Variants in ATP2C2 observed in about 807,000 individuals in gnomAD.
The protein encoded by ATP2C2 is ATPase secretory pathway Ca2+ transporting 2, also known as calcium-transporting ATPase type 2C member 2.
A neutral mutation model predicts 110.8 loss-of-function variants in ATP2C2; 171 were observed. The observed-to-expected ratio is 1.54, with a 90% CI of 1.36 to 1.75. The LOEUF is 1.75. ATP2C2 is among the 40% of genes most tolerant of loss of function. The pLI is 0.00. For synonymous variants in ATP2C2, 804 were observed against 508.4 expected (o/e 1.58, Z -7.82); for missense variants, 1,963 against 1,235.0 (o/e 1.59, Z -8.84).
chr16:84,441,971 A>T (rs114121168), intron 14 of ATP2C2, among the ~76,000 whole-genome samples: 10,854 of 148,296 alleles, frequency 0.073, 740 homozygotes, highest in South Asian at 0.18. Flanking sequence ...GTAATAATAA[A>T]AAAGAAAAGA....
Position 84,398,568 on chromosome 16 carries a change from G to A in ATP2C2, c.169G>A (p.Ala57Thr). The A allele has an allele frequency of 6.2e-7, 1 of 1,613,408 alleles. No individual in the cohort carries two copies. The highest frequency in any genetic ancestry group is 8.5e-7 in the Non-Finnish European group (1 of 1,179,742). The change falls in exon 2 of 27, where the codon GCG becomes ACG. Residue 57 changes from alanine (A) to threonine (T), a missense_variant. Physicochemically the swap from Ala to Thr is moderately conservative, Grantham distance 58. Transcript: ENST00000262429. ...GGTGACAGCCCTGCCCCCCAAGGAA[G>A]CGTGCAAATGCCAGAAAGAGGATTT... ...KKVTALPPKEACKCQKEDLAR... is the reference protein window; with the variant it reads ...KKVTALPPKETCKCQKEDLAR...
intron 2 of ATP2C2, among the ~76,000 whole-genome samples, chr16:84,400,329 G>GTTTTTTTT (rs112134569): frequency 7.3e-6 from 1 of 136,410 alleles, no homozygotes; most frequent in African/African-American, 2.7e-5. Flanking sequence ...TTAGTTTTTT[G>GTTTTTTTT]TTGTTTTTTT....
chr16:84,382,895 A>AG (rs1491094734), intron 1 of ATP2C2, among the ~76,000 whole-genome samples: 1 of 61,166 alleles, frequency 1.6e-5, no homozygotes, highest in Non-Finnish European at 3.4e-5. Flanking sequence ...GACTCCATCT[A>AG]AAAAAAAAAA....
intron 7 of ATP2C2, among the ~76,000 whole-genome samples, chr16:84,420,294 C>A (rs1357432847): frequency 6.6e-6 from 1 of 152,082 alleles, no homozygotes; most frequent in African/African-American, 2.4e-5. Flanking sequence ...TTCCCAGTGC[C>A]CAGAGGAGTC....
chr16:84,412,949 A>G (rs1221161228), intron 6 of ATP2C2, among the ~76,000 whole-genome samples: 2 of 148,274 alleles, frequency 1.3e-5, no homozygotes, highest in African/African-American at 4.9e-5. Context: ...TTAAAAAAAA[A>G]TTAGCTGGGC....
rs117469689 is a variant in ATP2C2 at position 84,453,372 on chromosome 16, G to T, written c.1980+1G>T. On this transcript the variant is annotated splice_donor_variant, in intron 20 of 26. Transcript: ENST00000262429. LOFTEE classifies it high-confidence loss of function. ...AAAGCACAAGCTCAAAATCATCAAG[G>T]TTCGCTGGGCAAGGCAGGCACAGGC... The T allele has an allele frequency of 4.3e-6, 7 of 1,614,180 alleles. No homozygotes were observed. The highest frequency in any genetic ancestry group is 5.1e-6 in the Non-Finnish European group (6 of 1,180,012).
intron 7 of ATP2C2, among the ~76,000 whole-genome samples, chr16:84,416,922 G>A (rs1259093473): frequency 1.0e-5 from 1 of 95,598 alleles, no homozygotes; most frequent in East Asian, 2.2e-4. Flanking sequence ...CGAGAAGGGG[G>A]GTCCTAACAG....
At chr16:84,380,125 C>A (rs1910489411) in intron 1 of ATP2C2, among the ~76,000 whole-genome samples, 1 of 152,156 alleles carries the variant, frequency 6.6e-6, no homozygotes, top group Non-Finnish European at 1.5e-5. Context: ...AAGCTGGCCT[C>A]CCTCCCCTGT....
chr16:84,409,669 ATTTTTATATTTTTAGTAGAGATGAGGTT>A (rs1906098128), intron 4 of ATP2C2, among the ~76,000 whole-genome samples: 1 of 151,914 alleles, frequency 6.6e-6, no homozygotes, highest in East Asian at 1.9e-4. Flanking sequence ...ATTTTTGCTA[ATTTTTATATTTTTAGTAGAGATGAGGTT>A]TCCCTGTGTT....
chr16:84,441,707 G>A (rs910886877), intron 14 of ATP2C2, among the ~76,000 whole-genome samples: 4 of 152,238 alleles, frequency 2.6e-5, no homozygotes, highest in Non-Finnish European at 5.9e-5. Context: ...GATCACCTGA[G>A]TTCAGGAGTT....
At chr16:84,373,627 A>C (rs1250146442) in intron 1 of ATP2C2, among the ~76,000 whole-genome samples, 1 of 152,222 alleles carries the variant, frequency 6.6e-6, no homozygotes, top group East Asian at 1.9e-4. Flanking sequence ...TCTACACTCA[A>C]AGGGAAGGGG....
At chr16:84,416,240 G>A (rs1438119100) in intron 7 of ATP2C2, among the ~76,000 whole-genome samples, 1 of 152,192 alleles carries the variant, frequency 6.6e-6, no homozygotes, top group Non-Finnish European at 1.5e-5. Flanking sequence ...GGGTGTCACA[G>A]CTTCACAGAG....
intron 23 of ATP2C2, 118 bp downstream of exon 23, chr16:84,459,504 A>C (rs1023054168): frequency 6.4e-7 from 1 of 1,571,936 alleles, no homozygotes; most frequent in African/African-American, 1.3e-5. Context: ...ACTTTCCATC[A>C]GGAGTTCCCA....
At position 84,422,698 on chromosome 16, in the gene ATP2C2, G is replaced by C; in HGVS notation, c.843+1G>C. 6.2e-7 allele frequency: 1 copy of C among 1,610,242 alleles called. No homozygotes were observed. The highest frequency in any genetic ancestry group is 8.5e-7 in the Non-Finnish European group (1 of 1,178,710). On this transcript the variant is annotated splice_donor_variant, in intron 9 of 26. Coordinates refer to ENST00000262429, the MANE Select transcript of ATP2C2 (RefSeq NM_014861.4). LOFTEE classifies it high-confidence loss of function. ...GTTTAAGATGATGCAGGCTGAAGAGGTAAGGGGCAGGAGGGGGCTTCGGGA... is the reference window on the plus strand; with the variant it reads ...GTTTAAGATGATGCAGGCTGAAGAGCTAAGGGGCAGGAGGGGGCTTCGGGA...
Position 84,439,265 on chromosome 16 carries a change from G to T in ATP2C2, c.1086G>T (p.Lys362Asn), listed in dbSNP as rs763539539. The T allele has an allele frequency of 6.2e-7, 1 of 1,612,740 alleles. No homozygotes were observed. Among genetic ancestry groups the T allele is most frequent in the Non-Finnish European group, 8.5e-7 (1 of 1,180,032 alleles). ...LRMAKKRVIV[K>N]KLPIVETLGC... The stretch of plus-strand genomic sequence containing the variant: ...TGGCCAAGAAGCGGGTCATCGTGAA[G>T]AAGTTACCCATCGTGGAGACTTTAG... Residue 362 changes from lysine (K) to asparagine (N), a missense_variant, in exon 12 of 27, where the codon AAG (lysine) becomes AAT (asparagine). Physicochemically the swap from Lys to Asn is moderately conservative, Grantham distance 94. Transcript: ENST00000262429.
chr16:84,410,532 C>A (rs768209401), intron 4 of ATP2C2, 36 bp from the exon 5 acceptor site: 1 of 1,611,152 alleles, frequency 6.2e-7, no homozygotes, highest in South Asian at 1.1e-5. Context: ...CCCACTGAGC[C>A]TCTGGTACTG....
intron 23 of ATP2C2, chr16:84,459,767 C>G (rs1911089200): frequency 3.4e-6 from 2 of 587,480 alleles, no homozygotes; most frequent in South Asian, 2.0e-5. Context: ...GGAAGATACA[C>G]ACAGACACAC....
chr16:84,423,637 G>C lies in ATP2C2; in HGVS notation c.919+374G>C, dbSNP rs549479337. Among the ~76,000 whole-genome samples the C allele has an allele frequency of 2.2e-4, 33 of 152,314 alleles. No individual in the cohort carries two copies. The East Asian group carries it at 6.4e-3, about 29-fold the overall frequency. ...CTTCCTCTGGGTCCTTGGAGGCCAT[G>C]TTTCTGTTCAGCCAGCAGATGGTGA... On this transcript the variant is annotated intron_variant, in intron 10 of 26. Transcript: ENST00000262429.
intron 2 of ATP2C2, among the ~76,000 whole-genome samples, chr16:84,399,024 G>C (rs140986821): frequency 5.7e-4 from 87 of 152,352 alleles, no homozygotes; most frequent in African/African-American, 1.9e-3. Flanking sequence ...TCCCACCGTC[G>C]TCTTTTATAA....
Sources: gnomAD v4.1 joint callset for allele counts (sites outside exome capture counted in the v4.1 genomes callset) on GRCh38, gnomAD v4.1.1 for gene constraint, MANE v1.5 for transcripts, NCBI Gene and HGNC (gene_info 2026-07-23, HGNC 2026-07-21) for gene names.